CADM2: variants seen among roughly 807,000 people sequenced by gnomAD.
The protein encoded by CADM2 is immunoglobulin superfamily member 4D.
A neutral mutation model predicts 49.8 loss-of-function variants in CADM2; 12 were observed. The observed-to-expected ratio is 0.24, with a 90% CI of 0.15 to 0.39. The LOEUF (loss-of-function observed/expected upper bound fraction) is 0.39. Ranked by LOEUF, CADM2 falls within the 10% of genes least tolerant of loss-of-function variation. The probability of loss-of-function intolerance (pLI) is 1.00; values close to 1 mark genes in which losing one functional copy is unlikely to be tolerated. For synonymous variants in CADM2, 214 were observed against 175.4 expected, an observed-to-expected ratio of 1.22 and a Z score of -1.74; for missense variants, 378 against 492.3, an observed-to-expected ratio of 0.77 and a Z score of 2.20.
At chr3:85,507,968 T>G (rs1301880727) in intron 1 of CADM2, among the ~76,000 whole-genome samples, 1 of 152,176 alleles carries the variant, frequency 6.6e-6, no homozygotes, top group African/African-American at 2.4e-5. Context: ...GATATGCATT[T>G]TTGCTTATTT....
intron 1 of CADM2, among the ~76,000 whole-genome samples, chr3:85,679,024 T>C (rs929094240): frequency 6.6e-6 from 1 of 152,160 alleles, no homozygotes; most frequent in African/African-American, 2.4e-5. Context: ...TTTAGAGATA[T>C]GATGCATAGC....
Position 85,685,875 on chromosome 3 carries a change from C to T in CADM2, c.62-40647C>T, listed in dbSNP as rs138349123. On this transcript the variant is annotated intron_variant, in intron 1 of 9. Transcript: ENST00000383699. ...TCCTGACCTCGTGATCCGCCCACCT[C>T]GGCTTCCCAAAGTGCTGGGATTACA... Among the ~76,000 whole-genome samples, 1,008 of 151,652 alleles carry T rather than the reference C, an allele frequency of 6.6e-3. 49 individuals are homozygous for T. The South Asian group carries it at 0.11, about 16-fold the overall frequency.
At position 85,608,984 on chromosome 3, in the gene CADM2, A is replaced by G. The variant is rs902429505; in HGVS notation, c.62-117538A>G. Among the ~76,000 whole-genome samples the G allele has an allele frequency of 6.6e-5, 10 of 152,278 alleles. 1 individual carries two copies. In the East Asian group the frequency reaches 1.9e-3, roughly 29 times the overall value. On this transcript the variant is annotated intron_variant, in intron 1 of 9. Transcript: ENST00000383699. Reference sequence around the variant, plus strand: ...TTCCAAACAACTTATCTAAATTATGATTAAAAATATTTACAATTTTTTTGT... The same window carrying G: ...TTCCAAACAACTTATCTAAATTATGGTTAAAAATATTTACAATTTTTTTGT...
intron 2 of CADM2, among the ~76,000 whole-genome samples, chr3:85,783,026 G>A (rs1338939296): frequency 3.9e-5 from 6 of 152,104 alleles, no homozygotes; most frequent in Non-Finnish European, 8.8e-5. Flanking sequence ...TATCAAAACA[G>A]GGCCCAATAT....
intron 1 of CADM2, among the ~76,000 whole-genome samples, chr3:85,371,682 T>TAC (rs2033248042): frequency 8.3e-6 from 1 of 119,908 alleles, no homozygotes; most frequent in Admixed American, 8.1e-5. Context: ...TGTGTGTATA[T>TAC]ATATATATAT....
At chr3:85,230,658 T>C (rs1226864783) in intron 1 of CADM2, among the ~76,000 whole-genome samples, 1 of 152,186 alleles carries the variant, frequency 6.6e-6, no homozygotes, top group African/African-American at 2.4e-5. Flanking sequence ...TTCTTTATTT[T>C]TACATCTCAT....
chr3:85,883,843 A>G (rs1030460867), intron 4 of CADM2, among the ~76,000 whole-genome samples: 7 of 152,160 alleles, frequency 4.6e-5, no homozygotes, highest in Non-Finnish European at 1.0e-4. Flanking sequence ...CCTTTATTTG[A>G]TCATGTAAGT....
At chr3:85,446,315 C>A (rs1004632196) in intron 1 of CADM2, among the ~76,000 whole-genome samples, 75 of 152,184 alleles carry the variant, frequency 4.9e-4, no homozygotes, top group South Asian at 1.2e-3. Context: ...GTTATATATT[C>A]AGCAAAGTCT....
intron 2 of CADM2, among the ~76,000 whole-genome samples, chr3:85,742,938 G>T (rs188811163): frequency 6.6e-6 from 1 of 152,056 alleles, no homozygotes; most frequent in African/African-American, 2.4e-5. Flanking sequence ...TGTTATATAA[G>T]TACTTCACTG....
At chr3:85,701,469 T>G (rs1559601343) in intron 1 of CADM2, among the ~76,000 whole-genome samples, 1 of 146,692 alleles carries the variant, frequency 6.8e-6, no homozygotes, top group African/African-American at 2.5e-5. Flanking sequence ...AATATGCTCT[T>G]ATTAGGCTGT....
intron 1 of CADM2, among the ~76,000 whole-genome samples, chr3:85,032,150 A>G (rs1283346868): frequency 6.6e-6 from 1 of 152,142 alleles, no homozygotes; most frequent in African/African-American, 2.4e-5. Context: ...TAGGGTACAA[A>G]TAAATAAGTG....
At chr3:86,019,234 T>A (rs1289294071) in intron 8 of CADM2, among the ~76,000 whole-genome samples, 13 of 138,518 alleles carry the variant, frequency 9.4e-5, no homozygotes, top group Admixed American at 3.7e-4. Flanking sequence ...TCCATTGATC[T>A]ATATCTCTGT....
chr3:85,821,603 A>G (rs774710269), intron 3 of CADM2, among the ~76,000 whole-genome samples: 33 of 152,178 alleles, frequency 2.2e-4, no homozygotes, highest in Non-Finnish European at 3.7e-4. Flanking sequence ...CTCTGTATAC[A>G]TCAGACTGTA....
chr3:86,015,029 C>A, intron 8 of CADM2: 1 of 877,164 alleles, frequency 1.1e-6, no homozygotes, highest in Admixed American at 1.9e-5. Context: ...ACATAAAACA[C>A]AACCTGGATT....
chr3:86,029,976 C>A (rs1734364922), intron 8 of CADM2, among the ~76,000 whole-genome samples: 1 of 151,818 alleles, frequency 6.6e-6, no homozygotes, highest in Non-Finnish European at 1.5e-5. Context: ...AGAGGAGAAA[C>A]AAACACAAAC....
chr3:85,682,656 T>TA (rs1374968020), intron 1 of CADM2, among the ~76,000 whole-genome samples: 1 of 152,082 alleles, frequency 6.6e-6, no homozygotes, highest in Non-Finnish European at 1.5e-5. Flanking sequence ...GCAAGAACAC[T>TA]AAATTTTTCT....
At chr3:85,207,111 GTTA>G (rs1378832941) in intron 1 of CADM2, among the ~76,000 whole-genome samples, 1 of 150,948 alleles carries the variant, frequency 6.6e-6, no homozygotes, top group Non-Finnish European at 1.5e-5. Flanking sequence ...ACAATAGCAT[GTTA>G]TTTCAAAATT....
chr3:85,084,366 G>A (rs866142579), intron 1 of CADM2, among the ~76,000 whole-genome samples: 7 of 151,962 alleles, frequency 4.6e-5, no homozygotes, highest in Non-Finnish European at 7.4e-5. Context: ...CGTTCACTTC[G>A]AAACATATGA....
At chr3:85,841,087 G>A (rs533330140) in intron 3 of CADM2, among the ~76,000 whole-genome samples, 1 of 151,544 alleles carries the variant, frequency 6.6e-6, no homozygotes, top group South Asian at 2.1e-4. Context: ...GGAGGGCAGT[G>A]GAAGAAAAGT....
Sources: gnomAD v4.1 joint callset for allele counts (sites outside exome capture counted in the v4.1 genomes callset) on GRCh38, gnomAD v4.1.1 for gene constraint, MANE v1.5 for transcripts, NCBI Gene and HGNC (gene_info 2026-07-23, HGNC 2026-07-21) for gene names.